The following GNG7 variants were observed in gnomAD, a reference collection of about 807,000 sequenced individuals.
The protein encoded by GNG7 is G protein subunit gamma 7, also known as guanine nucleotide-binding protein G(I)/G(S)/G(O) subunit gamma-7.
In GNG7, 1 loss-of-function variant was observed where a neutral mutation model predicts 4.0. The ratio of observed to expected loss-of-function variants is 0.25; its 90% CI spans 0.09 to 1.18. GNG7 has a LOEUF of 1.18. Ranked by LOEUF, GNG7 falls within the 50% of genes most tolerant of loss-of-function variation. GNG7 has a pLI of 0.50. For missense variants in GNG7, 86 were observed against 91.9 expected, an observed-to-expected ratio of 0.94 and a Z score of 0.26; for synonymous variants, 34 against 36.9, an observed-to-expected ratio of 0.92 and a Z score of 0.29.
chr19:2,691,677 G>A (rs1325755725), intron 1 of GNG7, among the ~76,000 whole-genome samples: 5 of 151,930 alleles, frequency 3.3e-5, no homozygotes. Flanking sequence ...GACCAGCCTG[G>A]CCAACATGGT....
chr19:2,595,990 C>G (rs1371683510), intron 2 of GNG7, among the ~76,000 whole-genome samples: 1 of 152,084 alleles, frequency 6.6e-6, no homozygotes, highest in African/African-American at 2.4e-5. Flanking sequence ...CGACTCTACG[C>G]TGCATGCTTG....
intron 2 of GNG7, among the ~76,000 whole-genome samples, chr19:2,612,177 C>A (rs867964857): frequency 3.3e-5 from 5 of 151,998 alleles, no homozygotes; most frequent in Admixed American, 3.3e-4. Flanking sequence ...CCGGCCAAAT[C>A]TTTCTTTCTT....
chr19:2,610,321 TG>T (rs1168330227), intron 2 of GNG7: 4 of 45,996 alleles, frequency 8.7e-5, no homozygotes, highest in African/African-American at 3.5e-4. Flanking sequence ...CTGCCACACC[TG>T]GCTTTTTTTT....
At chr19:2,672,983 G>C (rs1983494349) in intron 1 of GNG7, among the ~76,000 whole-genome samples, 1 of 152,052 alleles carries the variant, frequency 6.6e-6, no homozygotes, top group Admixed American at 6.6e-5. Context: ...TTGGCCGGGT[G>C]CGGTGGTTCA....
intron 2 of GNG7, among the ~76,000 whole-genome samples, chr19:2,571,658 C>T (rs1234430405): frequency 8.1e-6 from 1 of 124,074 alleles, no homozygotes; most frequent in Non-Finnish European, 1.6e-5. Flanking sequence ...TGCAGAGGTG[C>T]GGTCTCGGCT....
chr19:2,566,165 A>G (rs1164647241), intron 2 of GNG7, among the ~76,000 whole-genome samples: 4 of 152,228 alleles, frequency 2.6e-5, no homozygotes, highest in African/African-American at 7.2e-5. Context: ...CTCATAAATA[A>G]ATAAATAAAT....
rs1279809679 is a variant in GNG7, at chr19:2,611,051, G to C, written c.-78+35173C>G. ...ACATTCTCAGAAAGGACCACGCCCG[G>C]CACCGGCCTTGGATGGCTTCCCTCT... is the stretch of plus-strand genomic sequence containing the variant. On this transcript the variant is annotated intron_variant, in intron 2 of 4. Transcript: ENST00000382159. The surrounding 1 kb of genome is among the most constrained non-coding windows in gnomAD (Gnocchi z 6.0). The C allele has an allele frequency of 6.6e-6, 1 of 152,042 alleles. No individual in the cohort carries two copies. The highest frequency in any genetic ancestry group is 2.4e-5 in the African/African-American group (1 of 41,322). 9.4% of individuals were successfully genotyped at this position (152,042 alleles called of 1,614,324 possible).
intron 4 of GNG7, 124 bp downstream of exon 4, chr19:2,520,484 A>G (rs562489533): frequency 8.2e-6 from 5 of 611,576 alleles, no homozygotes; most frequent in Non-Finnish European, 1.2e-5. Flanking sequence ...GAGGGCCTCA[A>G]GGTCACACAG....
chr19:2,571,588 C>CTTTTT lies in GNG7; in HGVS notation c.-77-16405_-77-16401dup, dbSNP rs779497111. ...GGTCACTTTTCTTTTCATTTCTTTC[C>CTTTTT]TTTTTTTTTTTTTTTTTTTTTTTTT... On this transcript the variant is annotated intron_variant, in intron 2 of 4. Transcript: ENST00000382159. Among the ~76,000 whole-genome samples, 198 of 67,986 alleles carry CTTTTT rather than the reference C, an allele frequency of 2.9e-3. 3 individuals carry two copies. The highest frequency in any genetic ancestry group is 3.7e-3 in the Admixed American group (16 of 4,366). 44.6% of individuals were successfully genotyped at this position (67,986 alleles called of 152,430 possible). A position where few individuals can be genotyped will look rare whatever the true frequency, so the allele number is the denominator to read the frequency against.
intron 4 of GNG7, chr19:2,516,968 C>G (rs369360530): frequency 5.8e-4 from 88 of 152,328 alleles, no homozygotes; most frequent in African/African-American, 1.9e-3. Context: ...CTGGGGTGTC[C>G]GGTGTCCTGG....
intron 2 of GNG7, among the ~76,000 whole-genome samples, chr19:2,589,374 T>TTTTTTTTTG: frequency 7.8e-6 from 1 of 128,790 alleles, no homozygotes; most frequent in Non-Finnish European, 1.5e-5. Flanking sequence ...AGGTGCACTT[T>TTTTTTTTTG]TTTTTTTTTT....
At chr19:2,538,303 T>G (rs1182614262) in intron 3 of GNG7, 1 of 456,008 alleles carries the variant, frequency 2.2e-6, no homozygotes. Flanking sequence ...TTTAGAGAGA[T>G]CCCTCCACGA....
chr19:2,624,112 T>C (rs1454581431), intron 2 of GNG7, among the ~76,000 whole-genome samples: 1 of 152,002 alleles, frequency 6.6e-6, no homozygotes, highest in Non-Finnish European at 1.5e-5. Context: ...AGATGGAAAG[T>C]TCTGGAGATG....
At chr19:2,561,585 T>C (rs1158900193) in intron 2 of GNG7, among the ~76,000 whole-genome samples, 1 of 151,708 alleles carries the variant, frequency 6.6e-6, no homozygotes, top group Non-Finnish European at 1.5e-5. Flanking sequence ...AAGATAGAAA[T>C]GACACTGGTT....
chr19:2,665,272 C>T (rs192935774), intron 1 of GNG7, among the ~76,000 whole-genome samples: 4 of 151,894 alleles, frequency 2.6e-5, no homozygotes, highest in Admixed American at 1.3e-4. Flanking sequence ...GCACGCTGAG[C>T]GGCATCCGTG....
chr19:2,552,578 T>G (rs1393983454), intron 3 of GNG7, among the ~76,000 whole-genome samples: 1 of 151,632 alleles, frequency 6.6e-6, no homozygotes, highest in African/African-American at 2.4e-5. Context: ...AGAGATGAGG[T>G]TTCATCTTGT....
chr19:2,651,270 T>TTCCC (rs1175304705), intron 1 of GNG7, among the ~76,000 whole-genome samples: 61 of 70,410 alleles, frequency 8.7e-4, no homozygotes, highest in South Asian at 1.9e-3. Flanking sequence ...CCTTCCTTCC[T>TTCCC]TCCCTCCCTC....
intron 3 of GNG7, among the ~76,000 whole-genome samples, chr19:2,552,437 T>C (rs1599386206): frequency 6.6e-6 from 1 of 151,998 alleles, no homozygotes; most frequent in South Asian, 2.1e-4. Flanking sequence ...GAGGCTGGAG[T>C]ACAATGGTGC....
At chr19:2,565,525 CAA>C (rs1568245565) in intron 2 of GNG7, among the ~76,000 whole-genome samples, 2 of 77,100 alleles carry the variant, frequency 2.6e-5, no homozygotes, top group Non-Finnish European at 7.2e-5. Context: ...AAAAAAAAAA[CAA>C]AAACAAAAGC....
Sources: allele counts gnomAD v4.1 joint callset (sites outside exome capture counted in the v4.1 genomes callset), GRCh38; gene constraint gnomAD v4.1.1; non-coding constraint Gnocchi (gnomAD v3.1); transcripts MANE v1.5; gene names NCBI Gene and HGNC (gene_info 2026-07-23, HGNC 2026-07-21).